FRY: variants seen among roughly 807,000 people sequenced by gnomAD.
FRY encodes FRY microtubule binding protein, also known as protein furry homolog.
In FRY, 128 loss-of-function variants were observed where a neutral mutation model predicts 348.4. The observed-to-expected ratio is 0.37, with a 90% CI of 0.32 to 0.43. The LOEUF is 0.43. Among genes scored for constraint, FRY ranks in the 20% least tolerant of loss-of-function variants. The pLI is 1.00. For missense variants in FRY, 2,736 were observed against 3,695.2 expected (o/e 0.74, Z 6.73); for synonymous variants, 1,370 against 1,374.7 (o/e 1.00, Z 0.08).
chr13:32,098,878 T>G (rs1485231041), intron 2 of FRY, among the ~76,000 whole-genome samples: 1 of 152,078 alleles, frequency 6.6e-6, no homozygotes, highest in Non-Finnish European at 1.5e-5. Flanking sequence ...TTCTTTGTAT[T>G]TTACATGAAT....
chr13:32,291,415 C>CT (rs1162664763), intron 59 of FRY, among the ~76,000 whole-genome samples: 18 of 91,916 alleles, frequency 2.0e-4, no homozygotes, highest in African/African-American at 7.3e-4. Flanking sequence ...TTTTTTTTTT[C>CT]TTTTTTCGAG....
At chr13:32,255,852 CTAA>C in intron 51 of FRY, among the ~76,000 whole-genome samples, 1 of 152,240 alleles carries the variant, frequency 6.6e-6, no homozygotes, top group African/African-American at 2.4e-5. Flanking sequence ...GACAACTGAC[CTAA>C]TGTTTGCTCT....
chr13:32,145,003 A>G (rs1355911479), intron 11 of FRY, among the ~76,000 whole-genome samples: 5 of 152,234 alleles, frequency 3.3e-5, no homozygotes, highest in Admixed American at 3.3e-4. Context: ...CAAGCCCACT[A>G]TAAAAAATGA....
intron 36 of FRY, among the ~76,000 whole-genome samples, chr13:32,222,132 G>A (rs1476582135): frequency 6.6e-6 from 1 of 152,172 alleles, no homozygotes; most frequent in Non-Finnish European, 1.5e-5. Flanking sequence ...CTTGAATGAA[G>A]CAAAGAAGTG....
chr13:32,145,912 G>A (rs531531109), intron 11 of FRY, among the ~76,000 whole-genome samples: 1 of 152,218 alleles, frequency 6.6e-6, no homozygotes, highest in East Asian at 1.9e-4. Context: ...TCCCCATGCT[G>A]CAGACATTGG....
In FRY at chr13:32,293,669, A is replaced by G. The variant is rs114507166; in HGVS notation, c.8581-699A>G. On this transcript the variant is annotated intron_variant, in intron 59 of 60. Transcript: ENST00000542859. ...GTTTTCTTAATCTTTACTTTTTAAC[A>G]CTCTGGATCCTTTGGTTCCAGTAAC... is the stretch of plus-strand genomic sequence containing the variant. Among the ~76,000 whole-genome samples the G allele has an allele frequency of 3.4e-3, 516 of 152,268 alleles. 3 individuals are homozygous for G. The highest frequency in any genetic ancestry group is 0.012 in the African/African-American group (493 of 41,560).
chr13:32,148,326 G>T (rs1880581391), intron 13 of FRY, among the ~76,000 whole-genome samples: 1 of 152,090 alleles, frequency 6.6e-6, no homozygotes, highest in Non-Finnish European at 1.5e-5. Context: ...AACCAAAAGA[G>T]AACAATTTAG....
intron 55 of FRY, among the ~76,000 whole-genome samples, chr13:32,274,421 A>G (rs1012031307): frequency 1.3e-5 from 2 of 152,210 alleles, no homozygotes; most frequent in African/African-American, 4.8e-5. Flanking sequence ...AAGTAAAAAA[A>G]TCAGGGCCAG....
chr13:32,168,546 A>G (rs950449088), intron 17 of FRY, among the ~76,000 whole-genome samples: 1 of 152,276 alleles, frequency 6.6e-6, no homozygotes, highest in Non-Finnish European at 1.5e-5. Flanking sequence ...GCTGAATGAA[A>G]TATAAAGAAA....
rs1593787824 is a variant in FRY, at chr13:32,239,978, C to T, written c.6687+97C>T. On this transcript the variant is annotated intron_variant, in intron 46 of 60. Coordinates refer to ENST00000542859, the MANE Select transcript of FRY (RefSeq NM_023037.3). The surrounding 1 kb of genome is among the most constrained non-coding windows in gnomAD (Gnocchi z 4.3). ...TCAAGCAGTCCTCCTGCCTTCGCCT[C>T]CCAGAGTGCTAGGATTACAGGCGTG... The T allele has an allele frequency of 9.9e-7, 1 of 1,010,498 alleles. No individual in the cohort carries two copies. The highest frequency in any genetic ancestry group is 1.5e-6 in the Non-Finnish European group (1 of 667,746). 62.6% of individuals were successfully genotyped at this position (1,010,498 alleles called of 1,614,324 possible). A position where few individuals can be genotyped will look rare whatever the true frequency, so the allele number is the denominator to read the frequency against.
intron 3 of FRY, among the ~76,000 whole-genome samples, chr13:32,109,358 A>G (rs1352056895): frequency 6.6e-6 from 1 of 152,208 alleles, no homozygotes; most frequent in Non-Finnish European, 1.5e-5. Flanking sequence ...ACAGTTATCT[A>G]CACAAATAAA....
In FRY at chr13:32,078,989, A is replaced by G; in HGVS notation, c.226A>G (p.Thr76Ala). ...CAAAAGTTTATTTGTCAACTTCACCACTCAGGCTGAACGCAAGATTCGTAT... is the reference window on the plus strand; with the variant it reads ...CAAAAGTTTATTTGTCAACTTCACCGCTCAGGCTGAACGCAAGATTCGTAT... ...VLKSLFVNFT[T>A]QAERKIRIIM... Residue 76 changes from threonine (T) to alanine (A), a missense_variant, in exon 2 of 61, where the codon ACT becomes GCT. Physicochemically the swap from Thr to Ala is moderately conservative, Grantham distance 58 (BLOSUM62 0). This residue lies in a region of FRY where 309 missense variants were observed against 418.1 expected (regional missense o/e 0.74). Transcript: ENST00000542859. The G allele has an allele frequency of 6.2e-7, 1 of 1,613,884 alleles. No individual in the cohort carries two copies. Among genetic ancestry groups the G allele is most frequent in the Non-Finnish European group, 8.5e-7 (1 of 1,179,874 alleles).
chr13:32,129,031 G>T (rs1879195490), intron 7 of FRY, among the ~76,000 whole-genome samples: 1 of 152,126 alleles, frequency 6.6e-6, no homozygotes, highest in South Asian at 2.1e-4. Context: ...TCCTTGGCTT[G>T]TATGTGGCCA....
intron 15 of FRY, 143 bp downstream of exon 15, chr13:32,155,805 A>G: frequency 1.6e-6 from 1 of 616,464 alleles, no homozygotes; most frequent in Non-Finnish European, 2.8e-6. Context: ...GTTTTGATTG[A>G]TTCATGCTGT....
At chr13:32,267,065 G>A (rs1887958635) in intron 54 of FRY, 105 bp from the exon 55 acceptor site, 4 of 996,194 alleles carry the variant, frequency 4.0e-6, no homozygotes, top group Non-Finnish European at 3.2e-6. Context: ...AGAGTGGGTA[G>A]AATAGCTACC....
intron 1 of FRY, among the ~76,000 whole-genome samples, chr13:32,054,907 A>C (rs867519040): frequency 5.7e-4 from 87 of 152,184 alleles, no homozygotes; most frequent in African/African-American, 2.1e-3. Flanking sequence ...AAAGAAAATA[A>C]AAGATAAGAA....
intron 2 of FRY, among the ~76,000 whole-genome samples, chr13:32,093,863 CAT>C (rs1458675554): frequency 1.3e-5 from 2 of 152,186 alleles, no homozygotes; most frequent in African/African-American, 4.8e-5. Flanking sequence ...TGAAAATAAA[CAT>C]ATTCAATTCA....
intron 56 of FRY, 54 bp downstream of exon 56, chr13:32,275,045 A>G: frequency 6.7e-7 from 1 of 1,488,270 alleles, no homozygotes; most frequent in Non-Finnish European, 9.4e-7. Flanking sequence ...CCTACAGTGC[A>G]GAACTTCAGG....
At chr13:32,234,866 T>C in intron 42 of FRY, 105 bp downstream of exon 42, 1 of 892,242 alleles carries the variant, frequency 1.1e-6, no homozygotes. Context: ...ATTCCAGCCA[T>C]CTGGACATGT....
Sources: gnomAD v4.1 joint callset for allele counts (sites outside exome capture counted in the v4.1 genomes callset) on GRCh38, gnomAD v4.1.1 for gene constraint, gnomAD v4.1.1 regional missense constraint, Gnocchi (gnomAD v3.1) non-coding constraint, MANE v1.5 for transcripts, NCBI Gene and HGNC (gene_info 2026-07-23, HGNC 2026-07-21) for gene names.